RPTOR: variants seen among roughly 807,000 people sequenced by gnomAD.
RPTOR encodes the protein regulatory associated protein of MTOR complex 1, also known as regulatory-associated protein of mTOR.
RPTOR carries 21 observed loss-of-function variants against 169.9 expected under a neutral mutation model. The observed-to-expected ratio is 0.12, with a 90% CI of 0.09 to 0.18. The LOEUF is 0.18. Among genes scored for constraint, RPTOR ranks in the 10% least tolerant of loss-of-function variants. RPTOR has a pLI of 1.00. For synonymous variants in RPTOR, 732 were observed against 753.2 expected (o/e 0.97, Z 0.46); for missense variants, 1,133 against 1,855.9 (o/e 0.61, Z 7.16).
chr17:80,796,421 C>T (rs1365547759), intron 7 of RPTOR, among the ~76,000 whole-genome samples: 1 of 152,174 alleles, frequency 6.6e-6, no homozygotes, highest in African/African-American at 2.4e-5. Context: ...AGGAAACTTA[C>T]AGTCATGGCA....
intron 6 of RPTOR, among the ~76,000 whole-genome samples, chr17:80,773,213 G>A (rs2066861975): frequency 1.3e-5 from 2 of 152,332 alleles, no homozygotes; most frequent in East Asian, 3.9e-4. Flanking sequence ...AGGCGCTGTT[G>A]ATGTCCCTGG....
At chr17:80,734,482 T>G (rs575301126) in intron 5 of RPTOR, among the ~76,000 whole-genome samples, 1 of 152,332 alleles carries the variant, frequency 6.6e-6, no homozygotes, top group African/African-American at 2.4e-5. Context: ...CCATCAGTAT[T>G]TGAAGCAGTG....
rs151112064 is a variant in RPTOR at position 80,873,023 on chromosome 17, C to G, written c.1510-7392C>G. Among the ~76,000 whole-genome samples the G allele has an allele frequency of 2.5e-3, 384 of 152,346 alleles. 1 individual carries two copies. The highest frequency in any genetic ancestry group is 8.9e-3 in the African/African-American group (368 of 41,570). ...CCGGGGGGGACCCCCAGCCTGACTT[C>G]TCCCTGCTCATGGCTGGCTCCTGTC... On this transcript the variant is annotated intron_variant, in intron 13 of 33. Coordinates refer to ENST00000306801, the MANE Select transcript of RPTOR (RefSeq NM_020761.3).
At chr17:80,664,380 TG>T (rs1413877184) in intron 3 of RPTOR, among the ~76,000 whole-genome samples, 2 of 152,262 alleles carry the variant, frequency 1.3e-5, no homozygotes, top group Non-Finnish European at 2.9e-5. Context: ...CTCTGCTTCA[TG>T]TGCTAGGGTG....
At chr17:80,816,261 G>A (rs1331821447) in intron 7 of RPTOR, among the ~76,000 whole-genome samples, 2 of 152,250 alleles carry the variant, frequency 1.3e-5, no homozygotes, top group African/African-American at 4.8e-5. Flanking sequence ...TGGACGCCTG[G>A]CAGGCCTGGC....
chr17:80,819,479 A>C (rs1489695353), intron 7 of RPTOR, among the ~76,000 whole-genome samples: 1 of 152,168 alleles, frequency 6.6e-6, no homozygotes, highest in African/African-American at 2.4e-5. Flanking sequence ...TGGTTTGTTT[A>C]ATCATTTCCC....
intron 11 of RPTOR, among the ~76,000 whole-genome samples, chr17:80,852,711 C>T (rs2067806400): frequency 6.6e-6 from 1 of 152,060 alleles, no homozygotes; most frequent in Admixed American, 6.5e-5. Flanking sequence ...TGTGACCTTC[C>T]CTGTCCCCCT....
At chr17:80,685,627 A>ATATTTTTT (rs1269766086) in intron 3 of RPTOR, among the ~76,000 whole-genome samples, 2 of 30,682 alleles carry the variant, frequency 6.5e-5, no homozygotes, top group Non-Finnish European at 1.1e-4. Flanking sequence ...ATATATATAT[A>ATATTTTTT]TTTTTTTTTT....
intron 11 of RPTOR, among the ~76,000 whole-genome samples, chr17:80,853,974 C>G (rs1193777456): frequency 6.7e-6 from 1 of 149,916 alleles, no homozygotes; most frequent in East Asian, 2.0e-4. Flanking sequence ...GAGTGAGACT[C>G]TGTCTCAAAA....
intron 3 of RPTOR, among the ~76,000 whole-genome samples, chr17:80,644,943 G>A (rs2065582416): frequency 6.6e-6 from 1 of 152,212 alleles, no homozygotes; most frequent in African/African-American, 2.4e-5. Flanking sequence ...TTAGAAGGCA[G>A]TGGCTTCATG....
chr17:80,598,454 T>C (rs1353421308), intron 1 of RPTOR, among the ~76,000 whole-genome samples: 1 of 152,202 alleles, frequency 6.6e-6, no homozygotes. Context: ...TTTTTGATAT[T>C]GTATTCTAAG....
intron 1 of RPTOR, among the ~76,000 whole-genome samples, chr17:80,556,367 C>T (rs978355169): frequency 3.9e-5 from 6 of 152,050 alleles, no homozygotes; most frequent in Admixed American, 6.6e-5. Context: ...AAAAATAAGC[C>T]GGACATGGTG....
At chr17:80,836,263 C>G (rs1157073117) in intron 9 of RPTOR, among the ~76,000 whole-genome samples, 1 of 152,264 alleles carries the variant, frequency 6.6e-6, no homozygotes, top group African/African-American at 2.4e-5. Context: ...ATCTTTTCTT[C>G]CCTCTCTCCT....
chr17:80,773,897 C>G (rs1225183888), intron 6 of RPTOR: 1 of 985,074 alleles, frequency 1.0e-6, no homozygotes, highest in African/African-American at 1.8e-5. Flanking sequence ...GCTTCTGATT[C>G]CCTCCAGACA....
At chr17:80,711,606 T>C (rs2143113369) in intron 4 of RPTOR, among the ~76,000 whole-genome samples, 1 of 152,304 alleles carries the variant, frequency 6.6e-6, no homozygotes, top group South Asian at 2.1e-4. Flanking sequence ...CTAATTAAGG[T>C]CCATGCATTG....
intron 3 of RPTOR, among the ~76,000 whole-genome samples, chr17:80,649,715 TC>T (rs35153967): frequency 0.42 from 63,685 of 152,084 alleles, 13,649 homozygotes; most frequent in African/African-American, 0.49. Flanking sequence ...TAAGAACTGT[TC>T]CTATGATCAA....
At chr17:80,841,512 ACACCACACGGCAGCTCACTCT>A (rs2067657493) in intron 10 of RPTOR, among the ~76,000 whole-genome samples, 1 of 80,122 alleles carries the variant, frequency 1.2e-5, no homozygotes, top group Admixed American at 1.3e-4. Context: ...ACGGCAGCTC[ACACCACACGGCAGCTCACTCT>A]CACCACACGG....
intron 3 of RPTOR, among the ~76,000 whole-genome samples, chr17:80,645,461 T>C (rs1216906434): frequency 6.6e-6 from 1 of 152,256 alleles, no homozygotes; most frequent in African/African-American, 2.4e-5. Context: ...GTTTCTTCTT[T>C]TCCAAGAATT....
chr17:80,632,330 G>A (rs1264570468), intron 2 of RPTOR, among the ~76,000 whole-genome samples: 1 of 152,202 alleles, frequency 6.6e-6, no homozygotes, highest in Non-Finnish European at 1.5e-5. Flanking sequence ...GTGTGCTCCG[G>A]GGACGGGACG....
Sources: gnomAD v4.1 joint callset for allele counts (sites outside exome capture counted in the v4.1 genomes callset) on GRCh38, gnomAD v4.1.1 for gene constraint, MANE v1.5 for transcripts, NCBI Gene and HGNC (gene_info 2026-07-23, HGNC 2026-07-21) for gene names.